The following TNFRSF25 variants were observed in gnomAD, a reference collection of about 807,000 sequenced individuals.
TNFRSF25 encodes tumor necrosis factor receptor superfamily member 25.
A neutral mutation model predicts 49.4 loss-of-function variants in TNFRSF25; 28 were observed. The observed-to-expected ratio is 0.57, with a 90% CI of 0.42 to 0.78. TNFRSF25 has a LOEUF of 0.78. Ranked by LOEUF, TNFRSF25 falls within the 30% of genes least tolerant of loss-of-function variation. TNFRSF25 has a pLI of 0.00. For synonymous variants in TNFRSF25, 240 were observed against 234.2 expected (o/e 1.02, Z -0.23); for missense variants, 531 against 581.6 (o/e 0.91, Z 0.90).
intron 2 of TNFRSF25, 34 bp downstream of exon 2, chr1:6,465,406 G>A (rs1569806642): frequency 6.2e-7 from 1 of 1,613,180 alleles, no homozygotes; most frequent in East Asian, 2.2e-5. Context: ...AGCCCTGCCT[G>A]CCCCATGCCT....
chr1:6,465,600 ACGTGGGGCCTCTC>A, intron 1 of TNFRSF25, 40 bp from the exon 2 acceptor site: 4 of 1,597,488 alleles, frequency 2.5e-6, no homozygotes, highest in Non-Finnish European at 3.4e-6. Flanking sequence ...GCAGCTGCCC[ACGTGGGGCCTCTC>A]CCTGCTGCGT....
At chr1:6,465,641 C>T (rs1644334567) in intron 1 of TNFRSF25, 81 bp from the exon 2 acceptor site, 2 of 1,537,564 alleles carry the variant, frequency 1.3e-6, no homozygotes, top group South Asian at 1.2e-5. Flanking sequence ...ATTTCAGAGG[C>T]CCCAGCATTT....
chr1:6,464,985 G>T (rs1472887604), intron 3 of TNFRSF25, 103 bp downstream of exon 3: 1 of 1,492,868 alleles, frequency 6.7e-7, no homozygotes, highest in Non-Finnish European at 9.0e-7. Context: ...TGGCAAGGGT[G>T]GGTGCAGGAC....
In TNFRSF25 at chr1:6,464,627, A is replaced by G; in HGVS notation, c.388T>C (p.Cys130Arg). 6.2e-7 allele frequency: 1 copy of G among 1,614,100 alleles called. No homozygotes were observed. The highest frequency in any genetic ancestry group is 1.1e-5 in the South Asian group (1 of 91,090). The change falls in exon 4 of 10, where the codon TGT (cysteine) becomes CGT (arginine). Residue 130 changes from cysteine to arginine, a missense_variant. Physicochemically the swap from Cys to Arg is radical, Grantham distance 180. Coordinates refer to ENST00000356876, the MANE Select transcript of TNFRSF25 (RefSeq NM_003790.3). ...GWFVECQVSQ[C>R]VSSSPFYCQP... ...CAGTAGAAGGGTGAACTGCTGACAC[A>G]TTGGCTGACCTGGCACTCCACAAAC... is the stretch of plus-strand genomic sequence containing the variant.
chr1:6,465,682 G>T, intron 1 of TNFRSF25, 122 bp from the exon 2 acceptor site: 1 of 1,466,564 alleles, frequency 6.8e-7, no homozygotes, highest in Non-Finnish European at 9.0e-7. Context: ...CCCAGGCCCC[G>T]GGCAGAAGGG....
chr1:6,463,343 C>A, intron 5 of TNFRSF25: 1 of 603,908 alleles, frequency 1.7e-6, no homozygotes, highest in South Asian at 2.0e-5. Flanking sequence ...GAATGTCAAC[C>A]CCAAAAGGAC....
At chr1:6,465,971 T>G in intron 1 of TNFRSF25, 98 bp downstream of exon 1, 2 of 1,495,896 alleles carry the variant, frequency 1.3e-6, no homozygotes, top group Non-Finnish European at 1.8e-6. Flanking sequence ...CAGCCCCCAG[T>G]GAGGCTTGGA....
chr1:6,462,368 T>C lies in TNFRSF25; in HGVS notation c.745-194A>G. 8.7e-7 allele frequency: 1 copy of C among 1,147,434 alleles called. No individual in the cohort carries two copies. The allele number at this position is 1,147,434 out of a possible 1,614,324, so 71.1% of individuals were successfully genotyped here. On this transcript the variant is annotated intron_variant, in intron 8 of 9. Transcript: ENST00000356876. This position sits in a 1 kb window ranked among gnomAD's most constrained non-coding sequence, Gnocchi z 4.2. ...CTGCCTTGAGTCCCCTGCCCCCGCC[T>C]CCTTCCTCTTGTCCCCCAGCACCAT...
chr1:6,462,988 G>A lies in TNFRSF25; in HGVS notation c.599-18C>T. On this transcript the variant is annotated intron_variant, in intron 6 of 9. Coordinates refer to ENST00000356876, the MANE Select transcript of TNFRSF25 (RefSeq NM_003790.3). This position sits in a 1 kb window ranked among gnomAD's most constrained non-coding sequence, Gnocchi z 4.2. Reference sequence around the variant, plus strand: ...CCAGAACACTGAAAGCAGCTGGTGGGTGTTGGGTGGTTGCCCCCCTCCTCA... The same window carrying A: ...CCAGAACACTGAAAGCAGCTGGTGGATGTTGGGTGGTTGCCCCCCTCCTCA... 6.4e-7 allele frequency: 1 copy of A among 1,572,770 alleles called. No homozygotes were observed.
At position 6,465,088 on chromosome 1, in the gene TNFRSF25, C is replaced by T; in HGVS notation, c.295G>A (p.Ala99Thr). ...CARCQACDEQASQVALENCSA... is the reference protein window; with the variant it reads ...CARCQACDEQTSQVALENCSA... ...TGCCAAGCACTGAGAAGCCCCTCAC[C>T]CTGCTCATCACAGGCCTGGCAGCGG... Residue 99 changes from alanine (A) to threonine (T), a missense_variant and splice_region_variant, in exon 3 of 10, where the codon GCC (alanine) becomes ACC (threonine). Coordinates refer to ENST00000356876, the MANE Select transcript of TNFRSF25 (RefSeq NM_003790.3). The T allele has an allele frequency of 1.2e-6, 2 of 1,612,186 alleles. No homozygotes were observed. The highest frequency in any genetic ancestry group is 1.1e-5 in the South Asian group (1 of 90,768).
At chr1:6,464,091 T>A (rs1644260912) in intron 5 of TNFRSF25, 9 of 1,296,302 alleles carry the variant, frequency 6.9e-6, no homozygotes, top group Non-Finnish European at 8.9e-6. Flanking sequence ...TCAATGTGAC[T>A]CTCTGTGTAA....
At chr1:6,464,172 C>T (rs1454946468) in intron 5 of TNFRSF25, 1 of 1,436,334 alleles carries the variant, frequency 7.0e-7, no homozygotes, top group Non-Finnish European at 9.1e-7. Flanking sequence ...AGGCAAATAC[C>T]CTTATGTATC....
rs1258204057 is a variant in TNFRSF25, at chr1:6,461,223, G to C, written c.*211C>G. 2 of 736,998 alleles carry C rather than the reference G, an allele frequency of 2.7e-6. No individual in the cohort carries two copies. The highest frequency in any genetic ancestry group is 2.7e-5 in the East Asian group (1 of 37,188). 45.7% of individuals were successfully genotyped at this position (736,998 alleles called of 1,614,324 possible). Reference sequence around the variant, plus strand: ...AGCCAAACTCCGGCCGAGAAGTTGAGAAATGTCTTCACCCCCTCTCGACAT... The same window carrying C: ...AGCCAAACTCCGGCCGAGAAGTTGACAAATGTCTTCACCCCCTCTCGACAT... On this transcript the variant is annotated 3_prime_UTR_variant, in exon 10 of 10. Transcript: ENST00000356876. This position sits in a 1 kb window ranked among gnomAD's most constrained non-coding sequence, Gnocchi z 6.3.
chr1:6,464,375 G>T lies in TNFRSF25; in HGVS notation c.542C>A (p.Thr181Lys), dbSNP rs771752563. 6.2e-7 allele frequency: 1 copy of T among 1,607,294 alleles called. No homozygotes were observed. Among genetic ancestry groups the T allele is most frequent in the South Asian group, 1.1e-5 (1 of 89,622 alleles). ...EHGDGCVSCPTSTLGSCPERC... is the reference protein window; with the variant it reads ...EHGDGCVSCPKSTLGSCPERC... ...CCATCCCACGACAGCTAGGAATTAC[G>T]TGGGGCAGGACACGCAGCCATCGCC... is the stretch of plus-strand genomic sequence containing the variant. The change falls in exon 5 of 10, where the codon ACG (threonine) becomes AAG (lysine). Residue 181 changes from threonine (T) to lysine (K), a missense_variant and splice_region_variant. Transcript: ENST00000356876.
intron 5 of TNFRSF25, chr1:6,463,567 A>C: frequency 5.9e-6 from 1 of 169,506 alleles, no homozygotes; most frequent in East Asian, 1.7e-4. Context: ...TCTACTAAAA[A>C]TACAAAAAAT....
chr1:6,463,167 A>C (rs1256552300), intron 5 of TNFRSF25, 40 bp from the exon 6 acceptor site: 2 of 1,545,638 alleles, frequency 1.3e-6, no homozygotes, highest in Admixed American at 2.0e-5. Flanking sequence ...GAGGGGGTGC[A>C]TGCCAGGAGG....
In TNFRSF25 at chr1:6,462,884, G is replaced by A. The variant is rs756892349; in HGVS notation, c.685C>T (p.Pro229Ser). The change falls in exon 7 of 10, where the codon CCT (proline) becomes TCT (serine). Residue 229 changes from proline to serine, a missense_variant. Coordinates refer to ENST00000356876, the MANE Select transcript of TNFRSF25 (RefSeq NM_003790.3). This position sits in a 1 kb window ranked among gnomAD's most constrained non-coding sequence, Gnocchi z 4.2. ...TTACCAGTAACCAGGGGCTTGTGAG[G>A]CCAGCAGTGGCGGTATGTGTAGGTC... ...TLTYTYRHCW[P>S]HKPLVTADEA... 1.2e-6 allele frequency: 2 copies of A among 1,608,510 alleles called. No homozygotes were observed. The highest frequency in any genetic ancestry group is 2.7e-5 in the African/African-American group (2 of 74,966).
chr1:6,464,839 A>G lies in TNFRSF25; in HGVS notation c.296-120T>C, dbSNP rs944236669. The G allele has an allele frequency of 3.1e-6, 4 of 1,308,436 alleles. No homozygotes were observed. In the African/African-American group the frequency reaches 5.9e-5, roughly 19 times the overall value. 81.1% of individuals were successfully genotyped at this position (1,308,436 alleles called of 1,614,324 possible). On this transcript the variant is annotated intron_variant, in intron 3 of 9. Coordinates refer to ENST00000356876, the MANE Select transcript of TNFRSF25 (RefSeq NM_003790.3). ...AGAAATAGGCGAAAGACAGACAGGT[A>G]CAGGGCTACCCTAAAAAAGAGAGAA...
At chr1:6,465,030 T>C (rs1278041436) in intron 3 of TNFRSF25, 58 bp downstream of exon 3, 1 of 1,567,984 alleles carries the variant, frequency 6.4e-7, no homozygotes, top group Non-Finnish European at 8.6e-7. Context: ...AGCCAGCCAC[T>C]TCCTTCAGAA....
Sources: gnomAD v4.1 joint callset for allele counts on GRCh38, gnomAD v4.1.1 for gene constraint, Gnocchi (gnomAD v3.1) non-coding constraint, MANE v1.5 for transcripts, NCBI Gene and HGNC (gene_info 2026-07-23, HGNC 2026-07-21) for gene names.